TP53I13: variants seen among roughly 807,000 people sequenced by gnomAD.
The protein encoded by TP53I13 is tumor protein p53 inducible protein 13, also known as tumor protein p53-inducible protein 13.
Under a neutral mutation model 39.1 loss-of-function variants are expected in TP53I13, and 27 were observed. The ratio of observed to expected loss-of-function variants is 0.69; its 90% CI spans 0.51 to 0.95. The LOEUF (loss-of-function observed/expected upper bound fraction) is 0.95, where lower values mean the gene tolerates loss of function less well. TP53I13 is among the 40% of genes least tolerant of loss of function. The pLI, the probability that TP53I13 is intolerant of heterozygous loss-of-function variation, is 0.00. For synonymous variants in TP53I13, 230 were observed against 224.6 expected, an observed-to-expected ratio of 1.02 and a Z score of -0.22; for missense variants, 544 against 520.4, an observed-to-expected ratio of 1.05 and a Z score of -0.44.
chr17:29,566,387 G>A (rs369157808), upstream of TP53I13: 190 of 1,611,042 alleles, frequency 1.2e-4, no homozygotes, highest in Non-Finnish European at 1.5e-4. Context: ...TGGTGGCCGC[G>A]GCGATGGAAG....
chr17:29,575,802 GA>G, downstream of TP53I13: 11 of 1,613,198 alleles, frequency 6.8e-6, no homozygotes, highest in Non-Finnish European at 9.3e-6. The surrounding 1 kb of genome is among the most constrained non-coding windows in gnomAD (Gnocchi z 5.5). Flanking sequence ...ACTGGGCATG[GA>G]AACATTACCG....
the TP53I13 span, chr17:29,578,839 C>A: frequency 6.3e-6 from 10 of 1,575,000 alleles, no homozygotes; most frequent in Non-Finnish European, 8.7e-6. Context: ...GTGGCCAGGC[C>A]CATGCCAGCA....
chr17:29,581,226 G>A, the TP53I13 span: 1 of 787,972 alleles, frequency 1.3e-6, no homozygotes, highest in Non-Finnish European at 2.3e-6. The surrounding 1 kb of genome is among the most constrained non-coding windows in gnomAD (Gnocchi z 4.8). Flanking sequence ...CTAGTCTCTG[G>A]GGGGAGGGAG....
chr17:29,572,676 G>C lies in TP53I13; in HGVS notation c.1048G>C (p.Asp350His). 6.4e-7 allele frequency: 1 copy of C among 1,567,376 alleles called. No homozygotes were observed. Among genetic ancestry groups the C allele is most frequent in the Non-Finnish European group, 8.6e-7 (1 of 1,156,430 alleles). ...GAGCATCTACTGGGGGCCCACAGCG[G>C]ACAGCCAGGACACAGTGGCTGGTGA... Reference protein sequence around the residue: ...GESIYWGPTADSQDTVAAVLK... With the variant: ...GESIYWGPTAHSQDTVAAVLK... The change falls in exon 6 of 7, where the codon GAC becomes CAC. Residue 350 changes from aspartate to histidine, a missense_variant. By Grantham distance (81) the Asp-to-His change is moderately conservative (BLOSUM62 -1). Coordinates refer to ENST00000301057, the MANE Select transcript of TP53I13 (RefSeq NM_138349.4).
intron 2 of TP53I13, 31 bp from the exon 3 acceptor site, chr17:29,569,287 G>T (rs376665167): frequency 6.5e-5 from 104 of 1,612,154 alleles, no homozygotes; most frequent in Non-Finnish European, 8.7e-5. Flanking sequence ...TCCCCCAACT[G>T]CCCTAAGCTC....
At position 29,571,116 on chromosome 17, in the gene TP53I13, A is replaced by G. The variant is rs117301138; in HGVS notation, c.184-475A>G. 8.7e-3 allele frequency: 1,495 copies of G among 172,290 alleles called. 8 individuals are homozygous for G. The highest frequency in any genetic ancestry group is 0.014 in the Non-Finnish European group (1,104 of 79,860). 10.7% of individuals were successfully genotyped at this position (172,290 alleles called of 1,614,324 possible). On this transcript the variant is annotated intron_variant, in intron 3 of 6. Coordinates refer to ENST00000301057, the MANE Select transcript of TP53I13 (RefSeq NM_138349.4). Reference sequence around the variant, plus strand: ...CACAGCATCTAGCACAGCACTGAGCACCAAGTCAACTCAATCAAAGAATAA... The same window carrying G: ...CACAGCATCTAGCACAGCACTGAGCGCCAAGTCAACTCAATCAAAGAATAA...
downstream of TP53I13, chr17:29,574,631 A>T: frequency 8.2e-7 from 1 of 1,225,840 alleles, no homozygotes; most frequent in East Asian, 2.3e-5. Flanking sequence ...GGTGGGGATT[A>T]ATGTCTGGAG....
downstream of TP53I13, chr17:29,577,155 C>T: frequency 6.2e-7 from 1 of 1,613,886 alleles, no homozygotes; most frequent in Admixed American, 1.7e-5. Flanking sequence ...TGCTCAGGCT[C>T]TTGCCCTGCT....
chr17:29,582,288 T>A, the TP53I13 span: 1 of 635,936 alleles, frequency 1.6e-6, no homozygotes, highest in Non-Finnish European at 2.8e-6. Context: ...GGACAGAGGC[T>A]TCCCGCTAGG....
chr17:29,566,498 G>T (rs759093725), upstream of TP53I13: 2 of 1,611,592 alleles, frequency 1.2e-6, no homozygotes, highest in Middle Eastern at 1.6e-4. Context: ...AGCACCGCAG[G>T]AAGGCCCCCG....
chr17:29,571,845 C>G lies in TP53I13; in HGVS notation c.313-12C>G. 1 of 1,613,264 alleles carries G rather than the reference C, an allele frequency of 6.2e-7. No individual in the cohort carries two copies. The highest frequency in any genetic ancestry group is 8.5e-7 in the Non-Finnish European group (1 of 1,179,910). Reference sequence around the variant, plus strand: ...CCTTCCTCGTAGCTCTAACAGTTACCTCCTCTCGTAGCCCCTGGTGCTGAC... The same window carrying G: ...CCTTCCTCGTAGCTCTAACAGTTACGTCCTCTCGTAGCCCCTGGTGCTGAC... On this transcript the variant is annotated splice_polypyrimidine_tract_variant and intron_variant, in intron 4 of 6. Transcript: ENST00000301057.
upstream of TP53I13, chr17:29,567,008 C>A: frequency 7.9e-7 from 1 of 1,267,022 alleles, no homozygotes; most frequent in South Asian, 2.8e-5. The surrounding 1 kb of genome is among the most constrained non-coding windows in gnomAD (Gnocchi z 6.6). Context: ...GCGGCGGGGC[C>A]GTCTACTCGG....
In TP53I13 at chr17:29,572,056, A is replaced by G. The variant is rs1477758885; in HGVS notation, c.512A>G (p.Gln171Arg). The change falls in exon 5 of 7, where the codon CAG (glutamine) becomes CGG (arginine). Residue 171 changes from glutamine (Q) to arginine (R), a missense_variant and splice_region_variant. Gln to Arg is a conservative substitution (Grantham distance 43, BLOSUM62 1). Coordinates refer to ENST00000301057, the MANE Select transcript of TP53I13 (RefSeq NM_138349.4). ...RGRLCRRGCV[Q>R]ALALAFALRS... ...AGGCTGTGCCGAAGAGGGTGTGTGC[A>G]GGTGAGAGACGCTGGGCCCAGGCTT... The G allele has an allele frequency of 1.9e-6, 3 of 1,612,902 alleles. No homozygotes were observed. Among genetic ancestry groups the G allele is most frequent in the African/African-American group, 2.7e-5 (2 of 74,930 alleles).
the TP53I13 span, among the ~76,000 whole-genome samples, chr17:29,579,956 A>G: frequency 6.6e-6 from 1 of 151,984 alleles, no homozygotes; most frequent in African/African-American, 2.4e-5. Context: ...GGGGCTGCTC[A>G]TTCTCCAGCT....
intron 3 of TP53I13, chr17:29,570,524 C>T (rs2032884719): frequency 6.6e-6 from 1 of 151,734 alleles, no homozygotes; most frequent in Admixed American, 6.6e-5. Flanking sequence ...AAAAAATTCT[C>T]TGTAATAGCT....
upstream of TP53I13, chr17:29,566,430 C>G (rs1421064360): frequency 6.2e-7 from 1 of 1,612,088 alleles, no homozygotes; most frequent in Non-Finnish European, 8.5e-7. Flanking sequence ...CCAGGGCGAG[C>G]AAGCAAAGGC....
At chr17:29,576,280 C>T (rs1487881245), downstream of TP53I13, 1 of 1,612,184 alleles carries the variant, frequency 6.2e-7, no homozygotes, top group African/African-American at 1.3e-5. Context: ...CCCCAAAGGG[C>T]TTCAGGGCAG....
rs775305869 is a variant in TP53I13 at position 29,572,533 on chromosome 17, G to C, written c.905G>C (p.Gly302Ala). The change falls in exon 6 of 7, where the codon GGC (glycine) becomes GCC (alanine). Residue 302 changes from glycine to alanine, a missense_variant. By Grantham distance (60) the Gly-to-Ala change is moderately conservative (BLOSUM62 0). Coordinates refer to ENST00000301057, the MANE Select transcript of TP53I13 (RefSeq NM_138349.4). ...RAAAPPRAAR[G>A]PTPRTEEAAW... is the part of the protein sequence containing the mutation. Reference sequence around the variant, plus strand: ...GCAGCGCCTCCACGGGCAGCCCGGGGCCCCACCCCACGCACTGAAGAGGCC... The same window carrying C: ...GCAGCGCCTCCACGGGCAGCCCGGGCCCCCACCCCACGCACTGAAGAGGCC... 6.2e-6 allele frequency: 10 copies of C among 1,606,344 alleles called. No homozygotes were observed. Among genetic ancestry groups the C allele is most frequent in the Non-Finnish European group, 8.5e-6 (10 of 1,177,454 alleles).
At chr17:29,576,747 G>A, downstream of TP53I13, 1 of 1,595,828 alleles carries the variant, frequency 6.3e-7, no homozygotes, top group Non-Finnish European at 8.6e-7. Flanking sequence ...CAGTTATTGA[G>A]GCTAGGAGCA....
Sources: gnomAD v4.1 joint callset for allele counts (sites outside exome capture counted in the v4.1 genomes callset) on GRCh38, gnomAD v4.1.1 for gene constraint, Gnocchi (gnomAD v3.1) non-coding constraint, MANE v1.5 for transcripts, NCBI Gene and HGNC (gene_info 2026-07-23, HGNC 2026-07-21) for gene names.